ANKRD17: variants seen among roughly 807,000 people sequenced by gnomAD.
ANKRD17 encodes the protein ankyrin repeat domain-containing protein 17.
ANKRD17 carries 19 observed loss-of-function variants against 229.7 expected under a neutral mutation model. The ratio of observed to expected loss-of-function variants is 0.08; its 90% CI spans 0.06 to 0.12. ANKRD17 has a LOEUF of 0.12. Ranked by LOEUF, ANKRD17 falls within the 10% of genes least tolerant of loss-of-function variation. The pLI is 1.00. For synonymous variants in ANKRD17, 1,112 were observed against 1,146.1 expected (o/e 0.97, Z 0.60); for missense variants, 2,176 against 3,176.8 (o/e 0.68, Z 7.57).
Position 73,092,089 on chromosome 4 carries a change from G to T in ANKRD17, c.5539C>A (p.Gln1847Lys). The T allele has an allele frequency of 1.9e-6, 3 of 1,614,220 alleles. No individual in the cohort carries two copies. Among genetic ancestry groups the T allele is most frequent in the Non-Finnish European group, 2.5e-6 (3 of 1,180,028 alleles). Residue 1847 changes from glutamine (Q) to lysine (K), a missense_variant, in exon 29 of 34, where the codon CAA becomes AAA. By Grantham distance (53) the Gln-to-Lys change is moderately conservative. Around this residue, in one of 18 missense-constraint regions of ANKRD17, gnomAD observed 142 missense variants for 200.4 expected, o/e 0.71. Coordinates refer to ENST00000358602, the MANE Select transcript of ANKRD17 (RefSeq NM_032217.5). ...GGCACAGTGAGTGCTGTGGCAGTTT[G>T]AGATGTTGATGACAGAGCTACAGTT... ...MTTVALSSTS[Q>K]TATALTVPAI...
chr4:73,188,008 TA>T (rs1175512284), intron 1 of ANKRD17, among the ~76,000 whole-genome samples: 3 of 152,098 alleles, frequency 2.0e-5, no homozygotes, highest in African/African-American at 7.2e-5. Flanking sequence ...TAGAACTTAG[TA>T]TATCACAAAC....
rs1721075937 is a variant in ANKRD17 at position 73,077,073 on chromosome 4, A to G, written c.7619T>C (p.Met2540Thr). Residue 2540 changes from methionine (M) to threonine (T), a missense_variant, in exon 33 of 34, where the codon ATG (methionine) becomes ACG (threonine). Transcript: ENST00000358602. ...AGGGATAGGTGCTACTGGAGGAATC[A>G]TTGCATTCCCATACACAGAAAAAGG... ...GMPFSVYGNAMIPPVAPIPDG... is the reference protein window; with the variant it reads ...GMPFSVYGNATIPPVAPIPDG... 4 of 1,609,000 alleles carry G rather than the reference A, an allele frequency of 2.5e-6. No individual in the cohort carries two copies. Among genetic ancestry groups the G allele is most frequent in the Non-Finnish European group, 3.4e-6 (4 of 1,178,242 alleles).
chr4:73,118,910 A>T lies in ANKRD17; in HGVS notation c.4026-60T>A, dbSNP rs554000405. On this transcript the variant is annotated intron_variant, in intron 21 of 33. Coordinates refer to ENST00000358602, the MANE Select transcript of ANKRD17 (RefSeq NM_032217.5). ...TTTTTTTTTTTTTTTTTTTTGATACAGGGTCTTGCTCTGTCACACAGGCTG... is the reference window on the plus strand; with the variant it reads ...TTTTTTTTTTTTTTTTTTTTGATACTGGGTCTTGCTCTGTCACACAGGCTG... 1.9e-4 allele frequency: 259 copies of T among 1,352,802 alleles called. 1 individual carries two copies. Among genetic ancestry groups the T allele is most frequent in the Middle Eastern group, 1.5e-3 (7 of 4,704 alleles). The allele number at this position is 1,352,802 out of a possible 1,614,324, so 83.8% of individuals were successfully genotyped here. A position where few individuals can be genotyped will look rare whatever the true frequency, so the allele number is the denominator to read the frequency against.
intron 23 of ANKRD17, among the ~76,000 whole-genome samples, chr4:73,114,926 T>C (rs1042259677): frequency 1.3e-5 from 2 of 152,212 alleles, no homozygotes; most frequent in African/African-American, 4.8e-5. Context: ...CAAATCAAAA[T>C]GTATGTCTCC....
At chr4:73,097,088 T>A (rs759729129) in intron 27 of ANKRD17, 29 bp downstream of exon 27, 32 of 1,602,014 alleles carry the variant, frequency 2.0e-5, no homozygotes, top group Non-Finnish European at 2.6e-5. Context: ...ATATAGCACA[T>A]AAAAAGAATG....
intron 1 of ANKRD17, among the ~76,000 whole-genome samples, chr4:73,242,176 A>G (rs1400335968): frequency 6.6e-6 from 1 of 152,168 alleles, no homozygotes; most frequent in Non-Finnish European, 1.5e-5. Context: ...AGGGACAAAT[A>G]CTGGAAATGA....
At chr4:73,129,212 T>C (rs1403225219) in intron 16 of ANKRD17, among the ~76,000 whole-genome samples, 9 of 152,196 alleles carry the variant, frequency 5.9e-5, no homozygotes, top group Admixed American at 6.5e-5. Flanking sequence ...ATACCATTAA[T>C]AGAGGTTGTT....
At chr4:73,158,152 A>AAAAGAAAGAAAGAAAGAAAAGAAAGAAAG (rs1731962197) in intron 3 of ANKRD17, among the ~76,000 whole-genome samples, 2 of 128,708 alleles carry the variant, frequency 1.6e-5, no homozygotes, top group African/African-American at 5.8e-5. Context: ...GAAAGGAAGA[A>AAAAGAAAGAAAGAAAGAAAAGAAAGAAAG]AAAGAAAGAA....
intron 16 of ANKRD17, among the ~76,000 whole-genome samples, chr4:73,129,444 C>T (rs1224347690): frequency 6.6e-6 from 1 of 152,048 alleles, no homozygotes; most frequent in African/African-American, 2.4e-5. Flanking sequence ...AAAGGAAATA[C>T]GCTGGGTACA....
intron 1 of ANKRD17, among the ~76,000 whole-genome samples, chr4:73,177,884 G>T (rs986882465): frequency 6.6e-6 from 1 of 152,122 alleles, no homozygotes; most frequent in East Asian, 1.9e-4. Context: ...TAAATCAGCA[G>T]TTTTTAAATG....
intron 25 of ANKRD17, chr4:73,100,859 C>T (rs1349687036): frequency 2.0e-6 from 2 of 985,192 alleles, no homozygotes; most frequent in African/African-American, 3.5e-5. Context: ...CACATACACA[C>T]ATTGCATGCA....
Position 73,120,087 on chromosome 4 carries a change from GT to G in ANKRD17, c.4025+74del, listed in dbSNP as rs1726521526. 3 of 1,459,282 alleles carry G rather than the reference GT, an allele frequency of 2.1e-6. No homozygotes were observed. In the East Asian group the frequency reaches 6.8e-5, roughly 33 times the overall value. 90.4% of individuals were successfully genotyped at this position (1,459,282 alleles called of 1,614,324 possible). ...ATAATCACATTTGATTTTTTAAATAGTTTAATTGCCTAGAGAGAATGATAAC... is the reference window on the plus strand; with the variant it reads ...ATAATCACATTTGATTTTTTAAATAGTTAATTGCCTAGAGAGAATGATAAC... On this transcript the variant is annotated intron_variant, in intron 21 of 33. Transcript: ENST00000358602.
intron 16 of ANKRD17, among the ~76,000 whole-genome samples, chr4:73,131,596 CTTAAG>C (rs1728206105): frequency 6.6e-6 from 1 of 152,090 alleles, no homozygotes; most frequent in Admixed American, 6.5e-5. Flanking sequence ...GGTTAACACA[CTTAAG>C]TTAAAAATAA....
At chr4:73,192,296 T>C (rs994305739) in intron 1 of ANKRD17, among the ~76,000 whole-genome samples, 1 of 152,022 alleles carries the variant, frequency 6.6e-6, no homozygotes, top group Non-Finnish European at 1.5e-5. Context: ...TACATTAATA[T>C]TGATGCAGAA....
chr4:73,201,783 T>A (rs1474056757), intron 1 of ANKRD17, among the ~76,000 whole-genome samples: 1 of 152,194 alleles, frequency 6.6e-6, no homozygotes, highest in Non-Finnish European at 1.5e-5. Flanking sequence ...TGTATTCACT[T>A]TTCTAAACAT....
intron 7 of ANKRD17, among the ~76,000 whole-genome samples, chr4:73,150,992 T>C (rs891437189): frequency 6.6e-5 from 10 of 152,230 alleles, no homozygotes; most frequent in Admixed American, 1.3e-4. Context: ...ATTAATAATG[T>C]ACATACTCTG....
At chr4:73,114,679 TC>T (rs1725722683) in intron 23 of ANKRD17, among the ~76,000 whole-genome samples, 1 of 152,024 alleles carries the variant, frequency 6.6e-6, no homozygotes, top group South Asian at 2.1e-4. Flanking sequence ...ATTTTTAATC[TC>T]CCCCTCTGCC....
At chr4:73,189,188 C>G (rs1289367405) in intron 1 of ANKRD17, among the ~76,000 whole-genome samples, 1 of 151,936 alleles carries the variant, frequency 6.6e-6, no homozygotes, top group Non-Finnish European at 1.5e-5. Flanking sequence ...TATAGATAGC[C>G]AATTAACAAA....
At position 73,213,166 on chromosome 4, in the gene ANKRD17, TATG is replaced by T. The variant is rs1327315235; in HGVS notation, c.394-35636_394-35634del. 2.0e-4 allele frequency among the ~76,000 whole-genome samples: 30 copies of T among 152,204 alleles called. 1 individual carries two copies. The highest frequency in any genetic ancestry group is 1.7e-3 in the Admixed American group (26 of 15,282). On this transcript the variant is annotated intron_variant, in intron 1 of 33. Coordinates refer to ENST00000358602, the MANE Select transcript of ANKRD17 (RefSeq NM_032217.5). Reference sequence around the variant, plus strand: ...ATGTCACACAAATATATGTTGGTCTTATGATGACAGTGCATAAATTACAAATGC... The same window carrying T: ...ATGTCACACAAATATATGTTGGTCTTATGACAGTGCATAAATTACAAATGC...
Sources: gnomAD v4.1 joint callset for allele counts (sites outside exome capture counted in the v4.1 genomes callset) on GRCh38, gnomAD v4.1.1 for gene constraint, gnomAD v4.1.1 regional missense constraint, MANE v1.5 for transcripts, NCBI Gene and HGNC (gene_info 2026-07-23, HGNC 2026-07-21) for gene names.